The following AGBL3 variants were observed in gnomAD, a reference collection of about 807,000 sequenced individuals.
The protein encoded by AGBL3 is cytosolic carboxypeptidase 3.
AGBL3 carries 68 observed loss-of-function variants against 94.5 expected under a neutral mutation model. That is an observed-to-expected ratio of 0.72 (90% CI 0.59 to 0.88). The LOEUF (loss-of-function observed/expected upper bound fraction) is 0.88, where lower values mean the gene tolerates loss of function less well. Ranked by LOEUF, AGBL3 falls within the 40% of genes least tolerant of loss-of-function variation. The pLI is 0.00. For synonymous variants in AGBL3, 354 were observed against 370.7 expected (o/e 0.95, Z 0.52); for missense variants, 934 against 1,103.8 (o/e 0.85, Z 2.18).
intron 15 of AGBL3, among the ~76,000 whole-genome samples, chr7:135,096,494 A>G (rs1822741130): frequency 6.6e-6 from 1 of 151,712 alleles, no homozygotes; most frequent in African/African-American, 2.4e-5. Context: ...GAAGATACCC[A>G]AAATAGAACA....
intron 15 of AGBL3, among the ~76,000 whole-genome samples, chr7:135,097,958 T>C (rs958604499): frequency 6.6e-6 from 1 of 152,160 alleles, no homozygotes; most frequent in African/African-American, 2.4e-5. Context: ...TTTAAAAACA[T>C]TTTCCCTGAG....
intron 15 of AGBL3, among the ~76,000 whole-genome samples, chr7:135,095,183 G>T (rs1822476635): frequency 6.6e-6 from 1 of 152,136 alleles, no homozygotes; most frequent in East Asian, 1.9e-4. Context: ...TCACTGGAGG[G>T]TTGGAGGAAG....
chr7:135,000,120 G>A lies in AGBL3; in HGVS notation c.310+6442G>A, dbSNP rs1025126326. Among the ~76,000 whole-genome samples, 6 of 152,220 alleles carry A rather than the reference G, an allele frequency of 3.9e-5. 1 individual carries two copies. Among genetic ancestry groups the A allele is most frequent in the Admixed American group, 3.3e-4 (5 of 15,286 alleles). On this transcript the variant is annotated intron_variant, in intron 4 of 16. Transcript: ENST00000436302. ...ATAAACCGTTTCCATTTATTATGGA[G>A]CCCTTCTGGGCACTGCCTTATTAGA...
intron 16 of AGBL3, among the ~76,000 whole-genome samples, chr7:135,120,417 T>C (rs1254800150): frequency 6.6e-6 from 1 of 152,172 alleles, no homozygotes; most frequent in Non-Finnish European, 1.5e-5. Context: ...AAGTTATGCA[T>C]ATGTAGTATA....
At chr7:135,073,002 G>T (rs1340296604) in intron 12 of AGBL3, among the ~76,000 whole-genome samples, 1 of 151,982 alleles carries the variant, frequency 6.6e-6, no homozygotes, top group Non-Finnish European at 1.5e-5. Flanking sequence ...GTACATACTG[G>T]AATATCATTT....
chr7:135,099,978 C>T (rs1037371238), intron 15 of AGBL3: 1 of 147,742 alleles, frequency 6.8e-6, no homozygotes, highest in African/African-American at 2.5e-5. Flanking sequence ...AGCTCCGCCT[C>T]CCAGGTTCAC....
At chr7:135,119,235 T>A (rs1585222212) in intron 16 of AGBL3, among the ~76,000 whole-genome samples, 1 of 146,974 alleles carries the variant, frequency 6.8e-6, no homozygotes, top group African/African-American at 2.5e-5. Flanking sequence ...AAAATTTAAA[T>A]TTTTTTTTTT....
chr7:135,019,447 A>G (rs1814172113), intron 5 of AGBL3, among the ~76,000 whole-genome samples: 1 of 152,112 alleles, frequency 6.6e-6, no homozygotes, highest in Admixed American at 6.5e-5. Flanking sequence ...TATTTTTTTC[A>G]AGAAACTTTA....
intron 4 of AGBL3, among the ~76,000 whole-genome samples, chr7:135,005,907 G>A (rs1347129965): frequency 6.6e-6 from 1 of 151,694 alleles, no homozygotes; most frequent in African/African-American, 2.4e-5. Context: ...AGAGACAAGG[G>A]AAAACTTCAA....
At chr7:134,993,419 G>A in intron 3 of AGBL3, 74 bp from the exon 4 acceptor site, 1 of 1,257,174 alleles carries the variant, frequency 8.0e-7, no homozygotes, top group South Asian at 1.8e-5. Flanking sequence ...AGGAAAAAAG[G>A]AACTATATAA....
intron 8 of AGBL3, among the ~76,000 whole-genome samples, chr7:135,042,818 G>A (rs1234636218): frequency 6.6e-6 from 1 of 152,122 alleles, no homozygotes; most frequent in Admixed American, 6.6e-5. Flanking sequence ...GACTGAGGTA[G>A]GAAGATAGCT....
chr7:135,074,357 T>G lies in AGBL3; in HGVS notation c.1909-2040T>G, dbSNP rs576402703. On this transcript the variant is annotated intron_variant, in intron 12 of 16. Coordinates refer to ENST00000436302, the MANE Select transcript of AGBL3 (RefSeq NM_178563.4). ...GCCTGGGTTATTTGACAAACCCTCA[T>G]AGCATTCACCCAGACTTCAAGAACT... 2.2e-4 allele frequency among the ~76,000 whole-genome samples: 33 copies of G among 152,302 alleles called. No individual in the cohort carries two copies. The South Asian group carries it at 3.5e-3, about 16-fold the overall frequency.
chr7:135,077,205 G>A (rs1472256474), intron 13 of AGBL3, among the ~76,000 whole-genome samples: 1 of 152,194 alleles, frequency 6.6e-6, no homozygotes, highest in Non-Finnish European at 1.5e-5. Flanking sequence ...ACTCAGGTGA[G>A]TGCGGACAAG....
intron 15 of AGBL3, among the ~76,000 whole-genome samples, chr7:135,095,664 T>C (rs2116955042): frequency 6.6e-6 from 1 of 152,324 alleles, no homozygotes; most frequent in East Asian, 1.9e-4. Flanking sequence ...AGCAACACTG[T>C]TTTTTGTGCT....
chr7:134,988,838 A>G (rs1171597135), intron 2 of AGBL3, among the ~76,000 whole-genome samples: 2 of 152,020 alleles, frequency 1.3e-5, no homozygotes, highest in Non-Finnish European at 2.9e-5. Flanking sequence ...GGGTTTCACC[A>G]TGTTAGCCAG....
intron 15 of AGBL3, chr7:135,093,183 C>T (rs1822116259): frequency 6.6e-6 from 1 of 151,582 alleles, no homozygotes; most frequent in East Asian, 1.9e-4. Flanking sequence ...AAGGCTTCAG[C>T]CGGGCAATAA....
chr7:135,045,202 T>C (rs1817240317), intron 9 of AGBL3, among the ~76,000 whole-genome samples: 1 of 152,188 alleles, frequency 6.6e-6, no homozygotes, highest in South Asian at 2.1e-4. Flanking sequence ...CCACTGTTTC[T>C]AACTGGCAAC....
chr7:135,029,525 G>A (rs1815498433), intron 5 of AGBL3, among the ~76,000 whole-genome samples: 1 of 145,742 alleles, frequency 6.9e-6, no homozygotes, highest in Non-Finnish European at 1.6e-5. Context: ...AAGAGAATTA[G>A]GGCCTTCCTC....
chr7:135,027,134 T>C (rs1198772340), intron 5 of AGBL3, among the ~76,000 whole-genome samples: 1 of 151,530 alleles, frequency 6.6e-6, no homozygotes, highest in Non-Finnish European at 1.5e-5. Flanking sequence ...CTGTAACCTC[T>C]ACCTCCCAGG....
Sources: allele counts gnomAD v4.1 joint callset (sites outside exome capture counted in the v4.1 genomes callset), GRCh38; gene constraint gnomAD v4.1.1; transcripts MANE v1.5; gene names NCBI Gene and HGNC (gene_info 2026-07-23, HGNC 2026-07-21).